Variants in ADGB observed in about 807,000 individuals in gnomAD.
The protein encoded by ADGB is androglobin, also known as calpain-7-like protein.
ADGB carries 172 observed loss-of-function variants against 210.5 expected under a neutral mutation model. The ratio of observed to expected loss-of-function variants is 0.82; its 90% CI spans 0.72 to 0.93. The LOEUF is 0.93. ADGB is among the 40% of genes least tolerant of loss of function. The probability of loss-of-function intolerance (pLI) is 0.00; values close to 1 mark genes in which losing one functional copy is unlikely to be tolerated. For synonymous variants in ADGB, 658 were observed against 662.7 expected (o/e 0.99, Z 0.11); for missense variants, 2,025 against 1,964.8 (o/e 1.03, Z -0.58).
At chr6:146,654,068 T>C (rs12205484) in intron 3 of ADGB, 67 bp from the exon 4 acceptor site, 245,277 of 1,123,026 alleles carry the variant, frequency 0.22, 28,855 homozygotes, top group East Asian at 0.32. Flanking sequence ...GGATTAAAAC[T>C]ATTTCATTAA....
intron 27 of ADGB, among the ~76,000 whole-genome samples, chr6:146,759,313 A>G (rs907344848): frequency 3.6e-4 from 55 of 151,992 alleles, no homozygotes; most frequent in African/African-American, 1.2e-3. Flanking sequence ...ATAGGAATTT[A>G]CAGAATATCT....
At chr6:146,634,883 C>A (rs988726264) in intron 1 of ADGB, among the ~76,000 whole-genome samples, 2 of 151,934 alleles carry the variant, frequency 1.3e-5, no homozygotes, top group Non-Finnish European at 2.9e-5. Flanking sequence ...ACAAGACGAT[C>A]TTATACAATC....
At position 146,788,329 on chromosome 6, in the gene ADGB, T is replaced by C. The variant is rs551058987; in HGVS notation, c.4316-60T>C. ...TGCTCCCATCATCAAGCCCTGTTAC[T>C]GTTTGCATGTGATTTCATGGAACGC... On this transcript the variant is annotated intron_variant, in intron 32 of 35. Coordinates refer to ENST00000397944, the MANE Select transcript of ADGB (RefSeq NM_024694.4). 81 of 1,426,588 alleles carry C rather than the reference T, an allele frequency of 5.7e-5. 1 individual carries two copies. In the South Asian group the frequency reaches 6.5e-4, roughly 12 times the overall value. The allele number at this position is 1,426,588 out of a possible 1,614,324, so 88.4% of individuals were successfully genotyped here. A position where few individuals can be genotyped will look rare whatever the true frequency, so the allele number is the denominator to read the frequency against.
intron 8 of ADGB, among the ~76,000 whole-genome samples, chr6:146,673,977 G>A (rs1036032785): frequency 3.3e-5 from 5 of 152,180 alleles, no homozygotes; most frequent in African/African-American, 9.7e-5. Context: ...GGTACAAAAT[G>A]ACGAGCTGCT....
At chr6:146,667,916 T>A (rs1775959034) in intron 7 of ADGB, among the ~76,000 whole-genome samples, 1 of 152,022 alleles carries the variant, frequency 6.6e-6, no homozygotes, top group Non-Finnish European at 1.5e-5. Context: ...TCTCAGAGGT[T>A]GAATTCCCCC....
intron 10 of ADGB, among the ~76,000 whole-genome samples, chr6:146,688,498 GA>G (rs1220628418): frequency 6.6e-6 from 1 of 152,138 alleles, no homozygotes; most frequent in Non-Finnish European, 1.5e-5. Flanking sequence ...GGAACTACTA[GA>G]TATTGACATC....
chr6:146,743,537 T>C (rs555684308), intron 25 of ADGB, among the ~76,000 whole-genome samples: 1 of 152,330 alleles, frequency 6.6e-6, no homozygotes, highest in South Asian at 2.1e-4. Flanking sequence ...TATTTTTAAG[T>C]TGTAAATTGA....
At chr6:146,654,342 C>A (rs1775749447) in intron 4 of ADGB, 136 bp downstream of exon 4, 1 of 372,072 alleles carries the variant, frequency 2.7e-6, no homozygotes, top group Non-Finnish European at 4.9e-6. Flanking sequence ...ATATATAATA[C>A]CAAAAAATAT....
chr6:146,649,876 A>G (rs1370659576), intron 3 of ADGB, among the ~76,000 whole-genome samples: 3 of 152,188 alleles, frequency 2.0e-5, no homozygotes, highest in Non-Finnish European at 4.4e-5. Flanking sequence ...TTTTATGAAT[A>G]CTCACTTACT....
At position 146,724,453 on chromosome 6, in the gene ADGB, G is replaced by C. The variant is rs993973916; in HGVS notation, c.2237+126G>C. On this transcript the variant is annotated intron_variant, in intron 18 of 35. Coordinates refer to ENST00000397944, the MANE Select transcript of ADGB (RefSeq NM_024694.4). The stretch of plus-strand genomic sequence containing the variant: ...TCTCAAAGCAATTTCTCAAGGCATA[G>C]GTCCATGATTATTATTCTTGAGAAA... 5 of 922,458 alleles carry C rather than the reference G, an allele frequency of 5.4e-6. No individual in the cohort carries two copies. In the East Asian group the frequency reaches 1.5e-4, roughly 27 times the overall value. 57.1% of individuals were successfully genotyped at this position (922,458 alleles called of 1,614,324 possible).
At chr6:146,733,611 T>C (rs9390418) in intron 21 of ADGB, among the ~76,000 whole-genome samples, 77,118 of 152,046 alleles carry the variant, frequency 0.51, 20,697 homozygotes, top group African/African-American at 0.68. Flanking sequence ...TGCTCTGCTC[T>C]CATCATTTTA....
rs2114571578 is a variant in ADGB, at chr6:146,721,388, T to C, written c.1993-15T>C. 2 of 1,440,686 alleles carry C rather than the reference T, an allele frequency of 1.4e-6. No individual in the cohort carries two copies. The highest frequency in any genetic ancestry group is 1.9e-6 in the Non-Finnish European group (2 of 1,045,894). 89.2% of individuals were successfully genotyped at this position (1,440,686 alleles called of 1,614,324 possible). ...AACTGATATTAAGTATGACAACTGGTCTAATTTCTTGCAGTTCTCAGAAGA... is the reference window on the plus strand; with the variant it reads ...AACTGATATTAAGTATGACAACTGGCCTAATTTCTTGCAGTTCTCAGAAGA... On this transcript the variant is annotated splice_polypyrimidine_tract_variant and intron_variant, in intron 16 of 35. Coordinates refer to ENST00000397944, the MANE Select transcript of ADGB (RefSeq NM_024694.4).
At position 146,753,754 on chromosome 6, in the gene ADGB, A is replaced by G. The variant is rs994948186; in HGVS notation, c.3550+1040A>G. On this transcript the variant is annotated intron_variant, in intron 27 of 35. Transcript: ENST00000397944. The stretch of plus-strand genomic sequence containing the variant: ...CTCTTGCATTCTTAGAATGAAACCT[A>G]TTTGGCCATGATGTTTTAACATACT... Among the ~76,000 whole-genome samples, 7 of 151,852 alleles carry G rather than the reference A, an allele frequency of 4.6e-5. 1 individual carries two copies. The highest frequency in any genetic ancestry group is 1.3e-4 in the Admixed American group (2 of 15,214).
intron 33 of ADGB, among the ~76,000 whole-genome samples, chr6:146,792,027 C>T (rs377501951): frequency 2.8e-4 from 42 of 151,892 alleles, no homozygotes; most frequent in African/African-American, 9.4e-4. Context: ...ACCTTGGCCT[C>T]CCAAAGTGCT....
intron 1 of ADGB, among the ~76,000 whole-genome samples, chr6:146,606,895 G>A (rs552508306): frequency 1.2e-3 from 187 of 152,108 alleles, no homozygotes; most frequent in Admixed American, 4.7e-3. Flanking sequence ...CTCTTTTTCC[G>A]TTCCATATGA....
In ADGB at chr6:146,807,412, A is replaced by G. The variant is rs1409517923; in HGVS notation, c.4818+5401A>G. The G allele has an allele frequency of 2.6e-6, 4 of 1,551,384 alleles. No individual in the cohort carries two copies. In the Admixed American group the frequency reaches 5.9e-5, roughly 23 times the overall value. On this transcript the variant is annotated intron_variant, in intron 35 of 35. Transcript: ENST00000397944. ...TTTGCTTTGGAACAGGACTCCTTAG[A>G]TGAAGCCCGACAGAAAATTTTCGAC... is the stretch of plus-strand genomic sequence containing the variant.
chr6:146,778,521 T>G (rs912509731), intron 29 of ADGB, among the ~76,000 whole-genome samples: 7 of 152,322 alleles, frequency 4.6e-5, no homozygotes, highest in Admixed American at 3.9e-4. Flanking sequence ...CTTTTTTTCT[T>G]CTTATCCTGA....
At chr6:146,695,148 C>A (rs568412803) in intron 12 of ADGB, among the ~76,000 whole-genome samples, 1 of 152,240 alleles carries the variant, frequency 6.6e-6, no homozygotes, top group Admixed American at 6.5e-5. Context: ...CATTCAATGA[C>A]CTGAGACTAC....
chr6:146,748,626 G>A (rs773977124), intron 26 of ADGB, among the ~76,000 whole-genome samples: 7 of 151,898 alleles, frequency 4.6e-5, no homozygotes, highest in Admixed American at 2.0e-4. Flanking sequence ...TCACTTTGTC[G>A]CCCAGCTGGA....
Sources: gnomAD v4.1 joint callset for allele counts (sites outside exome capture counted in the v4.1 genomes callset) on GRCh38, gnomAD v4.1.1 for gene constraint, MANE v1.5 for transcripts, NCBI Gene and HGNC (gene_info 2026-07-23, HGNC 2026-07-21) for gene names.